Variants in FREM3 observed in about 807,000 individuals in gnomAD.
FREM3 encodes the protein FRAS1-related extracellular matrix protein 3.
Under a neutral mutation model 129.1 loss-of-function variants are expected in FREM3, and 105 were observed. The observed-to-expected ratio is 0.81, with a 90% CI of 0.69 to 0.96. The LOEUF (loss-of-function observed/expected upper bound fraction) is 0.96, where lower values mean the gene tolerates loss of function less well. FREM3 is among the 40% of genes least tolerant of loss of function. FREM3 has a pLI of 0.00. For missense variants in FREM3, 2,593 were observed against 2,666.3 expected, an observed-to-expected ratio of 0.97 and a Z score of 0.61; for synonymous variants, 1,014 against 1,044.9, an observed-to-expected ratio of 0.97 and a Z score of 0.57.
chr4:143,590,692 A>G (rs573177187), intron 6 of FREM3, among the ~76,000 whole-genome samples: 18 of 152,252 alleles, frequency 1.2e-4, no homozygotes, highest in African/African-American at 4.1e-4. Context: ...TATTGGTCTA[A>G]AATTCTCTTT....
At chr4:143,644,435 A>G (rs1438271587) in intron 2 of FREM3, among the ~76,000 whole-genome samples, 1 of 152,176 alleles carries the variant, frequency 6.6e-6, no homozygotes, top group African/African-American at 2.4e-5. Context: ...AGATTTCTCA[A>G]TGTATTTGTT....
Position 143,696,951 on chromosome 4 carries a change from A to G in FREM3, c.3725T>C (p.Ile1242Thr). The G allele has an allele frequency of 6.5e-7, 1 of 1,537,668 alleles. No homozygotes were observed. Among genetic ancestry groups the G allele is most frequent in the South Asian group, 1.2e-5 (1 of 84,060 alleles). ...CTGGCTGCCTGTAGCCAGCTGCTGT[A>G]TGATTCGTCCATGCCGAGGGAGGGC... ...LTALPRHGRI[I>T]QQLATGSQPI... The change falls in exon 1 of 8, where the codon ATA becomes ACA. Residue 1242 changes from isoleucine (I) to threonine (T), a missense_variant. This residue lies in a region of FREM3 where 2,276 missense variants were observed against 2,267.2 expected (regional missense o/e 1.00). Transcript: ENST00000329798.
chr4:143,698,115 A>G lies in FREM3; in HGVS notation c.2561T>C (p.Val854Ala). The G allele has an allele frequency of 6.5e-7, 1 of 1,537,450 alleles. No homozygotes were observed. Among genetic ancestry groups the G allele is most frequent in the Non-Finnish European group, 8.7e-7 (1 of 1,146,960 alleles). ...GTCAATGTCTGTGTCTGGGTCTGTA[A>G]CATGCAGCTCATTACTGCTGAGGTT... ...SFNLSSNELHVTDPDTDIDQI... is the reference protein window; with the variant it reads ...SFNLSSNELHATDPDTDIDQI... The change falls in exon 1 of 8, where the codon GTT becomes GCT. Residue 854 changes from valine (V) to alanine (A), a missense_variant. Coordinates refer to ENST00000329798, the MANE Select transcript of FREM3 (RefSeq NM_001168235.2).
chr4:143,697,121 G>T lies in FREM3; in HGVS notation c.3555C>A (p.Ile1185=). The stretch of plus-strand genomic sequence containing the variant: ...GCTGCTCATCATTGGTGGGTAGGAT[G>T]ATTATAGGGAAGAAGACATTTGGGG... ...NFSPNVFFPI[I]ILPTNDEQPK... is the part of the protein sequence containing the mutation. Residue 1185 remains isoleucine, a synonymous_variant, in exon 1 of 8, where the codon ATC becomes ATA. Transcript: ENST00000329798. The T allele has an allele frequency of 6.5e-7, 1 of 1,537,842 alleles. No homozygotes were observed. The highest frequency in any genetic ancestry group is 8.7e-7 in the Non-Finnish European group (1 of 1,147,040).
At chr4:143,593,238 C>G (rs1738399479) in intron 6 of FREM3, among the ~76,000 whole-genome samples, 1 of 152,224 alleles carries the variant, frequency 6.6e-6, no homozygotes, top group Admixed American at 6.5e-5. Flanking sequence ...CTCAACTCGT[C>G]AAAGTCATTC....
intron 2 of FREM3, among the ~76,000 whole-genome samples, chr4:143,630,548 A>T (rs1049451330): frequency 6.6e-6 from 1 of 152,158 alleles, no homozygotes; most frequent in Non-Finnish European, 1.5e-5. Context: ...TGAGCAAGAT[A>T]AGAAAATATG....
In FREM3 at chr4:143,588,929, C is replaced by T. The variant is rs529995038; in HGVS notation, c.6029-2936G>A. 3.8e-3 allele frequency among the ~76,000 whole-genome samples: 569 copies of T among 150,206 alleles called. 4 individuals are homozygous for T. Among genetic ancestry groups the T allele is most frequent in the African/African-American group, 0.013 (524 of 39,878 alleles). ...TGTCGTTTCCTGACTTTTTAATGAT[C>T]ACCATTCTAACTGGTGTGAGATGGT... On this transcript the variant is annotated intron_variant, in intron 6 of 7. Transcript: ENST00000329798.
chr4:143,673,042 C>T (rs1740029734), intron 2 of FREM3, among the ~76,000 whole-genome samples: 1 of 152,168 alleles, frequency 6.6e-6, no homozygotes, highest in African/African-American at 2.4e-5. Flanking sequence ...TTCGAACTTC[C>T]TCCTTTAGCT....
At chr4:143,628,974 C>A (rs1421357084) in intron 2 of FREM3, among the ~76,000 whole-genome samples, 3 of 152,038 alleles carry the variant, frequency 2.0e-5, no homozygotes, top group Admixed American at 6.6e-5. Context: ...GTCATCTGTC[C>A]AGTAGGGCCA....
intron 6 of FREM3, among the ~76,000 whole-genome samples, chr4:143,600,231 G>A (rs370917950): frequency 1.1e-3 from 169 of 152,222 alleles, no homozygotes; most frequent in African/African-American, 3.9e-3. Context: ...GTAAACTCAG[G>A]AATGGAAAAC....
Position 143,577,459 on chromosome 4 carries a change from T to A in FREM3, c.*152A>T, listed in dbSNP as rs141294600. ...ATATATTTCTATCTCCATGCAGTCA[T>A]ATAAATTACATTTCCACATATCACC... On this transcript the variant is annotated 3_prime_UTR_variant, in exon 8 of 8. Transcript: ENST00000329798. 1.5e-6 allele frequency: 1 copy of A among 689,166 alleles called. No individual in the cohort carries two copies. The highest frequency in any genetic ancestry group is 2.7e-5 in the East Asian group (1 of 36,562). The allele number at this position is 689,166 out of a possible 1,614,324, so 42.7% of individuals were successfully genotyped here.
chr4:143,673,669 A>G (rs1740047582), intron 2 of FREM3, among the ~76,000 whole-genome samples: 2 of 152,238 alleles, frequency 1.3e-5, no homozygotes, highest in African/African-American at 2.4e-5. Flanking sequence ...CCTTTCGTTC[A>G]GCTATGCCCT....
Position 143,577,834 on chromosome 4 carries a change from C to T in FREM3, c.6197G>A (p.Gly2066Asp). The change falls in exon 8 of 8, where the codon GGT becomes GAT. Residue 2066 changes from glycine to aspartate, a missense_variant. Around this residue, in one of 2 missense-constraint regions of FREM3, gnomAD observed 317 missense variants for 399.0 expected, o/e 0.79. Transcript: ENST00000329798. ...ESAEAGTDYV[G>D]ISRNLDFAPG... ...AGCAAAGTCCAGGTTTCGGCTGATA[C>T]CAACATAATCTGTTCCAGCTAGTGA... The T allele has an allele frequency of 2.0e-6, 3 of 1,537,146 alleles. No individual in the cohort carries two copies. The highest frequency in any genetic ancestry group is 2.6e-6 in the Non-Finnish European group (3 of 1,146,886).
intron 2 of FREM3, among the ~76,000 whole-genome samples, chr4:143,655,896 A>G (rs937653707): frequency 6.6e-6 from 1 of 152,150 alleles, no homozygotes; most frequent in Non-Finnish European, 1.5e-5. Context: ...TATTAATATA[A>G]AAGTAAAACT....
chr4:143,608,982 G>A (rs542389923), intron 6 of FREM3, among the ~76,000 whole-genome samples: 76 of 152,224 alleles, frequency 5.0e-4, no homozygotes, highest in African/African-American at 1.7e-3. Context: ...CATCATTTTT[G>A]TGTATGGGTG....
intron 2 of FREM3, among the ~76,000 whole-genome samples, chr4:143,680,617 C>T (rs528222361): frequency 6.6e-6 from 1 of 152,148 alleles, no homozygotes; most frequent in East Asian, 1.9e-4. Flanking sequence ...TTTCTTACCA[C>T]TGTTTTTATT....
chr4:143,592,926 C>G (rs1421487024), intron 6 of FREM3, among the ~76,000 whole-genome samples: 1 of 152,164 alleles, frequency 6.6e-6, no homozygotes, highest in Non-Finnish European at 1.5e-5. Flanking sequence ...TTCTTGGAGG[C>G]TTTGCTCGTT....
At chr4:143,671,941 C>T (rs985227002) in intron 2 of FREM3, among the ~76,000 whole-genome samples, 8 of 152,286 alleles carry the variant, frequency 5.3e-5, no homozygotes, top group African/African-American at 1.4e-4. Context: ...ATTTTATAGT[C>T]AAGCACTGGG....
intron 5 of FREM3, among the ~76,000 whole-genome samples, chr4:143,615,718 CA>C (rs780884968): frequency 0.017 from 2,297 of 134,058 alleles, 56 homozygotes; most frequent in African/African-American, 0.075. Context: ...AAAAAAAAAA[CA>C]AAAACCCAAA....
Sources: gnomAD v4.1 joint callset for allele counts (sites outside exome capture counted in the v4.1 genomes callset) on GRCh38, gnomAD v4.1.1 for gene constraint, gnomAD v4.1.1 regional missense constraint, MANE v1.5 for transcripts, NCBI Gene and HGNC (gene_info 2026-07-23, HGNC 2026-07-21) for gene names.